Variants in NEK7 observed in about 807,000 individuals in gnomAD.
NEK7 encodes the protein serine/threonine-protein kinase Nek7.
Under a neutral mutation model 44.6 loss-of-function variants are expected in NEK7, and 18 were observed. That is an observed-to-expected ratio of 0.40 (90% CI 0.28 to 0.60). NEK7 has a LOEUF of 0.60. NEK7 is among the 20% of genes least tolerant of loss of function. The pLI is 0.38. For synonymous variants in NEK7, 130 were observed against 121.1 expected (o/e 1.07, Z -0.48); for missense variants, 256 against 366.5 (o/e 0.70, Z 2.46).
At chr1:198,264,301 AAC>A in intron 5 of NEK7, 66 bp downstream of exon 5, 1 of 1,114,266 alleles carries the variant, frequency 9.0e-7, no homozygotes, top group Non-Finnish European at 1.3e-6. Flanking sequence ...TTGTCTGTTA[AAC>A]ACATAGGGAT....
intron 1 of NEK7, among the ~76,000 whole-genome samples, chr1:198,204,328 T>C (rs1665526071): frequency 6.6e-6 from 1 of 152,188 alleles, no homozygotes; most frequent in African/African-American, 2.4e-5. Context: ...TGCTGTGCTG[T>C]AATGTTGTTA....
At position 198,239,384 on chromosome 1, in the gene NEK7, A is replaced by G. The variant is rs553980277; in HGVS notation, c.57+6747A>G. On this transcript the variant is annotated intron_variant, in intron 2 of 9. Transcript: ENST00000367385. Reference sequence around the variant, plus strand: ...TATAACCATGCTTTTTTCATCTCCAAGGTGGTAATGTGATGGATTTAGGTG... The same window carrying G: ...TATAACCATGCTTTTTTCATCTCCAGGGTGGTAATGTGATGGATTTAGGTG... 3.4e-4 allele frequency among the ~76,000 whole-genome samples: 52 copies of G among 152,234 alleles called. No individual in the cohort carries two copies. The South Asian group carries it at 0.011, about 32-fold the overall frequency.
chr1:198,303,347 G>A (rs1173968829), intron 9 of NEK7, among the ~76,000 whole-genome samples: 2 of 151,792 alleles, frequency 1.3e-5, no homozygotes, highest in Admixed American at 6.6e-5. Context: ...ATATAACTGG[G>A]TTTCAAACCG....
chr1:198,219,401 C>T (rs1035195895), intron 1 of NEK7, among the ~76,000 whole-genome samples: 1 of 151,252 alleles, frequency 6.6e-6, no homozygotes, highest in African/African-American at 2.4e-5. Flanking sequence ...ATGTCTTCTG[C>T]AACAACTTGG....
At chr1:198,176,650 G>C (rs1408296820) in intron 1 of NEK7, among the ~76,000 whole-genome samples, 1 of 152,032 alleles carries the variant, frequency 6.6e-6, no homozygotes, top group Admixed American at 6.6e-5. Flanking sequence ...ATCAGGAAGA[G>C]CAGTTAGTAG....
intron 1 of NEK7, among the ~76,000 whole-genome samples, chr1:198,165,284 G>C (rs558561669): frequency 6.6e-6 from 1 of 152,288 alleles, no homozygotes; most frequent in East Asian, 1.9e-4. Context: ...ATCTAGAATG[G>C]TGAATCCTTT....
At chr1:198,252,845 T>C (rs971427212) in intron 2 of NEK7, among the ~76,000 whole-genome samples, 195 bp from the exon 3 acceptor site, 3 of 151,928 alleles carry the variant, frequency 2.0e-5, no homozygotes, top group Non-Finnish European at 2.9e-5. Flanking sequence ...GGGATTATTG[T>C]CTCTCTAGTC....
intron 9 of NEK7, among the ~76,000 whole-genome samples, chr1:198,316,216 G>C (rs1017824628): frequency 3.9e-5 from 6 of 152,220 alleles, no homozygotes; most frequent in African/African-American, 1.4e-4. Context: ...TGGAGGAAGG[G>C]AGGGAGAGAC....
chr1:198,287,650 G>T (rs1350557269), intron 7 of NEK7, among the ~76,000 whole-genome samples: 1 of 151,530 alleles, frequency 6.6e-6, no homozygotes, highest in African/African-American at 2.4e-5. Context: ...TTCATTGTTA[G>T]CTTACTGCAT....
At chr1:198,183,821 A>G (rs1447579510) in intron 1 of NEK7, among the ~76,000 whole-genome samples, 1 of 152,236 alleles carries the variant, frequency 6.6e-6, no homozygotes, top group Non-Finnish European at 1.5e-5. Flanking sequence ...TAAATATAGC[A>G]TGTGACTCGA....
chr1:198,216,278 A>T (rs1406280668), intron 1 of NEK7, among the ~76,000 whole-genome samples: 1 of 152,118 alleles, frequency 6.6e-6, no homozygotes, highest in African/African-American at 2.4e-5. Flanking sequence ...TTCCAGAGGG[A>T]ACCATCAAAA....
intron 1 of NEK7, among the ~76,000 whole-genome samples, chr1:198,163,813 A>G (rs968094557): frequency 1.3e-5 from 2 of 152,204 alleles, no homozygotes; most frequent in African/African-American, 4.8e-5. Context: ...ATTCAGTGAA[A>G]ACTGACATTT....
chr1:198,316,194 A>G (rs998091139), intron 9 of NEK7, among the ~76,000 whole-genome samples: 3 of 152,224 alleles, frequency 2.0e-5, no homozygotes, highest in African/African-American at 7.2e-5. Flanking sequence ...GTCAAATCAA[A>G]CACAACCATA....
At position 198,187,567 on chromosome 1, in the gene NEK7, A is replaced by G. The variant is rs549281700; in HGVS notation, c.-29+30291A>G. On this transcript the variant is annotated intron_variant, in intron 1 of 9. Transcript: ENST00000367385. ...GTACCCAAGGGATTGAGAAAGAGAC[A>G]GTAGCAATATCCAAGATGGCATACC... Among the ~76,000 whole-genome samples, 10 of 152,350 alleles carry G rather than the reference A, an allele frequency of 6.6e-5. No homozygotes were observed. In the East Asian group the frequency reaches 1.4e-3, roughly 21 times the overall value.
intron 1 of NEK7, among the ~76,000 whole-genome samples, chr1:198,160,336 C>T (rs1358132425): frequency 2.7e-5 from 4 of 149,230 alleles, no homozygotes; most frequent in Non-Finnish European, 4.4e-5. Context: ...TTTAAATAGG[C>T]TTTGGTATTT....
intron 4 of NEK7, among the ~76,000 whole-genome samples, chr1:198,262,925 C>T (rs571451519): frequency 6.6e-6 from 1 of 151,522 alleles, no homozygotes; most frequent in South Asian, 2.1e-4. Context: ...TCTTGACCAC[C>T]CCAACAAGAC....
intron 1 of NEK7, among the ~76,000 whole-genome samples, chr1:198,194,523 T>A (rs1182393516): frequency 8.2e-6 from 1 of 121,440 alleles, no homozygotes; most frequent in Non-Finnish European, 1.8e-5. Context: ...TGTGTCCATG[T>A]GATCTCATCA....
At chr1:198,247,627 G>A (rs1038054723) in intron 2 of NEK7, among the ~76,000 whole-genome samples, 4 of 152,130 alleles carry the variant, frequency 2.6e-5, no homozygotes, top group Admixed American at 6.6e-5. Context: ...TGGTTATTTT[G>A]CATATTTTAA....
At chr1:198,277,068 A>G (rs1167164350) in intron 5 of NEK7, among the ~76,000 whole-genome samples, 1 of 151,794 alleles carries the variant, frequency 6.6e-6, no homozygotes, top group Admixed American at 6.6e-5. Flanking sequence ...AGAAAATTTT[A>G]TGGAAACCTA....
Sources: gnomAD v4.1 joint callset for allele counts (sites outside exome capture counted in the v4.1 genomes callset) on GRCh38, gnomAD v4.1.1 for gene constraint, MANE v1.5 for transcripts, NCBI Gene and HGNC (gene_info 2026-07-23, HGNC 2026-07-21) for gene names.